The following PTPN3 variants were observed in gnomAD, a reference collection of about 807,000 sequenced individuals.
PTPN3 encodes tyrosine-protein phosphatase non-receptor type 3.
Under a neutral mutation model 132.7 loss-of-function variants are expected in PTPN3, and 96 were observed. That is an observed-to-expected ratio of 0.72 (90% CI 0.61 to 0.86). PTPN3 has a LOEUF of 0.86. PTPN3 is among the 40% of genes least tolerant of loss of function. The pLI, the probability that PTPN3 is intolerant of heterozygous loss-of-function variation, is 0.00. For synonymous variants in PTPN3, 398 were observed against 429.0 expected (o/e 0.93, Z 0.89); for missense variants, 1,125 against 1,159.6 (o/e 0.97, Z 0.43).
intron 16 of PTPN3, among the ~76,000 whole-genome samples, chr9:109,408,888 T>C (rs1841836623): frequency 7.5e-6 from 1 of 134,072 alleles, no homozygotes. Context: ...TATAGGGGCT[T>C]TCAGCAGAGG....
Position 109,376,424 on chromosome 9 carries a change from G to C in PTPN3, c.*3132C>G, listed in dbSNP as rs143204263. The C allele has an allele frequency of 6.6e-6, 1 of 152,224 alleles. No homozygotes were observed. The highest frequency in any genetic ancestry group is 2.4e-5 in the African/African-American group (1 of 41,536). 9.4% of individuals were successfully genotyped at this position (152,224 alleles called of 1,614,324 possible). ...CAATAGTATCCACACTAATCTAAAA[G>C]CATATTTAAATATGAATTACTGTGG... is the stretch of plus-strand genomic sequence containing the variant. On this transcript the variant is annotated 3_prime_UTR_variant, in exon 26 of 26. Transcript: ENST00000374541.
Position 109,375,731 on chromosome 9 carries a change from A to C in PTPN3, c.*3825T>G, listed in dbSNP as rs1351365767. 3 of 152,274 alleles carry C rather than the reference A, an allele frequency of 2.0e-5. No homozygotes were observed. Among genetic ancestry groups the C allele is most frequent in the African/African-American group, 7.2e-5 (3 of 41,480 alleles). 9.4% of individuals were successfully genotyped at this position (152,274 alleles called of 1,614,324 possible). On this transcript the variant is annotated 3_prime_UTR_variant, in exon 26 of 26. Coordinates refer to ENST00000374541, the MANE Select transcript of PTPN3 (RefSeq NM_002829.4). Reference sequence around the variant, plus strand: ...AGCTTGAACATTTTTATATTGATTAAATTGTTTTTCAGTAGAATCACTGAC... The same window carrying C: ...AGCTTGAACATTTTTATATTGATTACATTGTTTTTCAGTAGAATCACTGAC...
chr9:109,451,075 T>C (rs1255352862), intron 5 of PTPN3: 3 of 973,732 alleles, frequency 3.1e-6, no homozygotes, highest in East Asian at 1.1e-4. Context: ...TGTGAATTAA[T>C]GGTAGAAGCC....
intron 7 of PTPN3, among the ~76,000 whole-genome samples, chr9:109,439,549 T>A (rs369463449): frequency 1.3e-5 from 2 of 152,352 alleles, no homozygotes; most frequent in African/African-American, 4.8e-5. Flanking sequence ...TGATACTTTG[T>A]GGCCAATCTC....
chr9:109,394,756 G>GTA (rs1840424937), intron 19 of PTPN3, among the ~76,000 whole-genome samples: 1 of 152,180 alleles, frequency 6.6e-6, no homozygotes, highest in African/African-American at 2.4e-5. Context: ...TCTTGTGTGT[G>GTA]TATACATGTG....
chr9:109,379,571 C>G lies in PTPN3; in HGVS notation c.2727G>C (p.Met909Ile). ...LRVYEEGLVQ[M>I]LDPS ...CACAGTTGTCTTAACTAGGATCCAG[C>G]ATTTGGACTAAACCTTCTTCATACA... Residue 909 changes from methionine to isoleucine, a missense_variant, in exon 26 of 26, where the codon ATG becomes ATC. Physicochemically the swap from Met to Ile is conservative, Grantham distance 10. Coordinates refer to ENST00000374541, the MANE Select transcript of PTPN3 (RefSeq NM_002829.4). 6.2e-7 allele frequency: 1 copy of G among 1,613,918 alleles called. No homozygotes were observed. Among genetic ancestry groups the G allele is most frequent in the Non-Finnish European group, 8.5e-7 (1 of 1,179,812 alleles).
rs757399153 is a variant in PTPN3 at position 109,454,582 on chromosome 9, A to G, written c.290-8T>C. The stretch of plus-strand genomic sequence containing the variant: ...GGGTACAGGGGAAACCTCCTACAAC[A>G]TTTTTCAAAAACAAATTAAATTTTC... On this transcript the variant is annotated splice_region_variant and splice_polypyrimidine_tract_variant and intron_variant, in intron 4 of 25. Coordinates refer to ENST00000374541, the MANE Select transcript of PTPN3 (RefSeq NM_002829.4). 6.2e-7 allele frequency: 1 copy of G among 1,607,596 alleles called. No individual in the cohort carries two copies. The highest frequency in any genetic ancestry group is 2.2e-5 in the East Asian group (1 of 44,836).
Position 109,381,758 on chromosome 9 carries a change from A to G in PTPN3, c.2558T>C (p.Val853Ala). The G allele has an allele frequency of 1.9e-6, 3 of 1,614,248 alleles. No individual in the cohort carries two copies. Among genetic ancestry groups the G allele is most frequent in the Non-Finnish European group, 2.5e-6 (3 of 1,180,042 alleles). Residue 853 changes from valine (V) to alanine (A), a missense_variant, in exon 25 of 26, where the codon GTC becomes GCC. By Grantham distance (64) the Val-to-Ala change is moderately conservative. Transcript: ENST00000374541. ...SAGIGRTGVL[V>A]TMETAMCLTE... is the part of the protein sequence containing the mutation. ...TAGGCACATGGCTGTTTCCATAGTG[A>G]CCAACACACCGGTTCGACCTATTCC...
chr9:109,519,887 G>A, the PTPN3 span, among the ~76,000 whole-genome samples: 3 of 152,166 alleles, frequency 2.0e-5, no homozygotes, highest in Non-Finnish European at 4.4e-5. Flanking sequence ...CCAAGGGCAC[G>A]CTGGCTCACG....
At chr9:109,510,576 A>AATATATATAT in the PTPN3 span, among the ~76,000 whole-genome samples, 4 of 47,328 alleles carry the variant, frequency 8.5e-5, no homozygotes, top group African/African-American at 3.0e-4. Flanking sequence ...AAAAAAAAAA[A>AATATATATAT]ATATATATAT....
At chr9:109,515,402 CT>C in the PTPN3 span, among the ~76,000 whole-genome samples, 7 of 152,126 alleles carry the variant, frequency 4.6e-5, 1 homozygote, top group Admixed American at 4.6e-4. Context: ...AGGTACTGGG[CT>C]ACTGCTGAGC....
Position 109,378,590 on chromosome 9 carries a change from C to T in PTPN3, c.*966G>A, listed in dbSNP as rs139353948. The T allele has an allele frequency of 6.6e-6, 1 of 152,642 alleles. No homozygotes were observed. Among genetic ancestry groups the T allele is most frequent in the African/African-American group, 2.4e-5 (1 of 41,432 alleles). 9.5% of individuals were successfully genotyped at this position (152,642 alleles called of 1,614,324 possible). A position where few individuals can be genotyped will look rare whatever the true frequency, so the allele number is the denominator to read the frequency against. Reference sequence around the variant, plus strand: ...AGCCCCACGGCCAACCCTCCAGAAGCTGGGTTTCCCATGGTTCAATTACTA... The same window carrying T: ...AGCCCCACGGCCAACCCTCCAGAAGTTGGGTTTCCCATGGTTCAATTACTA... On this transcript the variant is annotated 3_prime_UTR_variant, in exon 26 of 26. Coordinates refer to ENST00000374541, the MANE Select transcript of PTPN3 (RefSeq NM_002829.4).
chr9:109,535,428 A>G, the PTPN3 span, among the ~76,000 whole-genome samples: 1 of 152,226 alleles, frequency 6.6e-6, no homozygotes, highest in Non-Finnish European at 1.5e-5. Context: ...GGATAAGTAA[A>G]GTCCAAAGAC....
the PTPN3 span, chr9:109,532,957 T>A: frequency 6.8e-6 from 2 of 295,128 alleles, no homozygotes; most frequent in Non-Finnish European, 9.6e-6. Flanking sequence ...TTTTTTTTTT[T>A]TTTTTTTTTT....
chr9:109,485,430 C>A (rs1376404357), intron 1 of PTPN3, among the ~76,000 whole-genome samples: 1 of 152,182 alleles, frequency 6.6e-6, no homozygotes, highest in African/African-American at 2.4e-5. Flanking sequence ...ACGGCGTGAA[C>A]CTGGGAGGCG....
intron 1 of PTPN3, among the ~76,000 whole-genome samples, chr9:109,497,706 T>C (rs1337560252): frequency 6.6e-6 from 1 of 152,182 alleles, no homozygotes; most frequent in African/African-American, 2.4e-5. Flanking sequence ...GGAGGATTTA[T>C]TGGCTCTGGA....
chr9:109,514,703 G>T, the PTPN3 span, among the ~76,000 whole-genome samples: 1 of 152,164 alleles, frequency 6.6e-6, no homozygotes, highest in East Asian at 1.9e-4. Flanking sequence ...CTGTAGCCAT[G>T]TTCTTTGCTA....
chr9:109,497,469 G>A (rs751434709), intron 1 of PTPN3, among the ~76,000 whole-genome samples: 21 of 152,112 alleles, frequency 1.4e-4, no homozygotes, highest in Admixed American at 6.6e-5. Flanking sequence ...CTTGAACGGA[G>A]GTCTCCAGTT....
intron 1 of PTPN3, among the ~76,000 whole-genome samples, chr9:109,495,743 C>G (rs538743106): frequency 2.0e-4 from 30 of 152,334 alleles, no homozygotes; most frequent in African/African-American, 7.0e-4. Flanking sequence ...GTCTCTGAGA[C>G]TTGAATGAGA....
Sources: allele counts gnomAD v4.1 joint callset (sites outside exome capture counted in the v4.1 genomes callset), GRCh38; gene constraint gnomAD v4.1.1; transcripts MANE v1.5; gene names NCBI Gene and HGNC (gene_info 2026-07-23, HGNC 2026-07-21).